DNAH8: variants seen among roughly 807,000 people sequenced by gnomAD.
The protein encoded by DNAH8 is dynein axonemal heavy chain 8, also known as axonemal beta dynein heavy chain 8.
In DNAH8, 382 loss-of-function variants were observed where a neutral mutation model predicts 562.1. That is an observed-to-expected ratio of 0.68 (90% CI 0.63 to 0.74). The LOEUF is 0.74. DNAH8 is among the 30% of genes least tolerant of loss of function. The pLI, the probability that DNAH8 is intolerant of heterozygous loss-of-function variation, is 0.00. For missense variants in DNAH8, 5,203 were observed against 5,620.4 expected, an observed-to-expected ratio of 0.93 and a Z score of 2.37; for synonymous variants, 1,881 against 1,919.4, an observed-to-expected ratio of 0.98 and a Z score of 0.52.
chr6:38,819,002 AAC>A (rs1772573442), intron 26 of DNAH8, among the ~76,000 whole-genome samples: 1 of 152,188 alleles, frequency 6.6e-6, no homozygotes, highest in African/African-American at 2.4e-5. Flanking sequence ...TCGGCTCACA[AAC>A]ACAGTGCTGC....
intron 24 of DNAH8, among the ~76,000 whole-genome samples, chr6:38,811,117 T>C (rs936741128): frequency 2.6e-5 from 4 of 152,344 alleles, no homozygotes; most frequent in African/African-American, 9.6e-5. Flanking sequence ...GAGTGCACTT[T>C]CTATTTGAGG....
intron 65 of DNAH8, 66 bp downstream of exon 65, chr6:38,909,810 T>C (rs549993223): frequency 1.2e-5 from 15 of 1,247,662 alleles, no homozygotes; most frequent in Non-Finnish European, 1.6e-5. Context: ...AGGAATGCAT[T>C]GTAACATCCA....
chr6:38,868,191 A>G lies in DNAH8; in HGVS notation c.6823A>G (p.Lys2275Glu). The G allele has an allele frequency of 6.2e-7, 1 of 1,603,808 alleles. No individual in the cohort carries two copies. The highest frequency in any genetic ancestry group is 8.5e-7 in the Non-Finnish European group (1 of 1,177,382). Residue 2275 changes from lysine to glutamate, a missense_variant, in exon 48 of 93, where the codon AAA becomes GAA. Physicochemically the swap from Lys to Glu is moderately conservative, Grantham distance 56. Around this residue, in one of 6 missense-constraint regions of DNAH8, gnomAD observed 2,176 missense variants for 2,365.1 expected, o/e 0.92. Transcript: ENST00000327475. ...AGGACTAAGAGATATGAACCTTTCC[A>G]AACTGGTATCTTCTCTGAATTCTCT... is the stretch of plus-strand genomic sequence containing the variant. The part of the protein sequence containing the change: ...MRGLRDMNLS[K>E]LVDEDEPLFL...
At chr6:39,019,421 A>G (rs917189918) in intron 91 of DNAH8, among the ~76,000 whole-genome samples, 1 of 152,120 alleles carries the variant, frequency 6.6e-6, no homozygotes, top group Non-Finnish European at 1.5e-5. Flanking sequence ...GTTGGTGGAG[A>G]GATTTTTAAA....
At chr6:38,767,301 G>A (rs1460238412) in intron 11 of DNAH8, among the ~76,000 whole-genome samples, 1 of 152,140 alleles carries the variant, frequency 6.6e-6, no homozygotes, top group Non-Finnish European at 1.5e-5. Flanking sequence ...GCTGGGTGTG[G>A]TGGCAGGCTC....
chr6:38,908,392 T>C (rs1459048286), intron 64 of DNAH8, among the ~76,000 whole-genome samples: 1 of 152,214 alleles, frequency 6.6e-6, no homozygotes, highest in Non-Finnish European at 1.5e-5. Context: ...GACTTGGTGA[T>C]GTAACCTCGT....
At chr6:38,947,449 A>G (rs1761523598) in intron 80 of DNAH8, among the ~76,000 whole-genome samples, 1 of 152,238 alleles carries the variant, frequency 6.6e-6, no homozygotes, top group Non-Finnish European at 1.5e-5. Flanking sequence ...GGACATCCAG[A>G]GGCTGGAAGT....
chr6:38,930,432 T>G lies in DNAH8; in HGVS notation c.11274+766T>G, dbSNP rs140908822. ...TTTTCTCATTAAATAAAGACAGATT[T>G]ATTCAGAAAAATTTTCTTCATAATG... On this transcript the variant is annotated intron_variant, in intron 75 of 92. Coordinates refer to ENST00000327475, the MANE Select transcript of DNAH8 (RefSeq NM_001206927.2). Among the ~76,000 whole-genome samples the G allele has an allele frequency of 1.8e-3, 271 of 147,844 alleles. 1 individual carries two copies. Among genetic ancestry groups the G allele is most frequent in the Non-Finnish European group, 3.2e-3 (209 of 65,824 alleles).
intron 21 of DNAH8, among the ~76,000 whole-genome samples, chr6:38,793,138 C>T (rs1028406213): frequency 1.3e-5 from 2 of 152,070 alleles, no homozygotes; most frequent in Admixed American, 1.3e-4. Context: ...CAACACTAAA[C>T]AACCCATTAC....
In DNAH8 at chr6:38,768,793, C is replaced by T. The variant is rs188038498; in HGVS notation, c.1618-1620C>T. On this transcript the variant is annotated intron_variant, in intron 11 of 92. Coordinates refer to ENST00000327475, the MANE Select transcript of DNAH8 (RefSeq NM_001206927.2). ...TTTTCCTAATCATTCTTGCTCCCCT[C>T]ATACCCAGATTCAAAACAACTTATC... Among the ~76,000 whole-genome samples the T allele has an allele frequency of 1.2e-3, 190 of 152,280 alleles. 2 individuals are homozygous for T. The highest frequency in any genetic ancestry group is 4.2e-3 in the African/African-American group (175 of 41,588).
chr6:38,934,907 T>G (rs1782829557), intron 76 of DNAH8, among the ~76,000 whole-genome samples: 1 of 152,232 alleles, frequency 6.6e-6, no homozygotes, highest in African/African-American at 2.4e-5. Context: ...TGTGATTTGG[T>G]GAATCTAAGT....
intron 68 of DNAH8, 141 bp from the exon 69 acceptor site, chr6:38,917,098 A>G (rs972303528): frequency 9.1e-6 from 5 of 552,090 alleles, no homozygotes; most frequent in Non-Finnish European, 1.2e-5. Flanking sequence ...ACAATGAAAG[A>G]GCCACTAAGC....
intron 3 of DNAH8, among the ~76,000 whole-genome samples, chr6:38,726,298 A>G (rs1439361074): frequency 6.6e-6 from 1 of 152,144 alleles, no homozygotes; most frequent in Admixed American, 6.5e-5. Flanking sequence ...TAGAACTAAG[A>G]TGTGGGGGGG....
rs569254186 is a variant in DNAH8, at chr6:39,006,367, C to T, written c.13215-2447C>T. Among the ~76,000 whole-genome samples the T allele has an allele frequency of 4.6e-5, 7 of 152,274 alleles. No homozygotes were observed. In the South Asian group the frequency reaches 1.2e-3, roughly 27 times the overall value. ...ATGCTATTCATGTTTATAGTTTCCT[C>T]TTTAATACTTGTATTTTCAGTCTCC... On this transcript the variant is annotated intron_variant, in intron 88 of 92. Transcript: ENST00000327475.
chr6:38,950,723 G>A (rs187963056), intron 81 of DNAH8, among the ~76,000 whole-genome samples: 32 of 152,162 alleles, frequency 2.1e-4, no homozygotes, highest in South Asian at 8.3e-4. Flanking sequence ...ACAAGCATGA[G>A]CCACCGTGCC....
At position 38,974,404 on chromosome 6, in the gene DNAH8, C is replaced by T; in HGVS notation, c.12709C>T (p.Gln4237Ter). The T allele has an allele frequency of 6.2e-7, 1 of 1,613,914 alleles. No homozygotes were observed. The highest frequency in any genetic ancestry group is 8.5e-7 in the Non-Finnish European group (1 of 1,179,848). The change falls in exon 85 of 93, where the codon CAA becomes TAA. Residue 4237 changes from glutamine to a stop codon, truncating the protein, a stop_gained. Coordinates refer to ENST00000327475, the MANE Select transcript of DNAH8 (RefSeq NM_001206927.2). LOFTEE classifies it high-confidence loss of function. ...TCTCAAATTCACTAATGAGCCACCC[C>T]AAGGTGTACGCGCAGGTTTGAAAAG... ...TSLKFTNEPP[Q>*]GVRAGLKRTF...
At chr6:38,918,290 A>G (rs1036271533) in intron 70 of DNAH8, 150 bp downstream of exon 70, 6 of 566,732 alleles carry the variant, frequency 1.1e-5, no homozygotes, top group East Asian at 2.8e-5. Flanking sequence ...GTCCTCTCAA[A>G]GTTTCTCCTT....
chr6:38,870,995 C>A (rs775283647), intron 49 of DNAH8, among the ~76,000 whole-genome samples: 51 of 152,182 alleles, frequency 3.4e-4, no homozygotes, highest in Non-Finnish European at 5.7e-4. Context: ...TACACTAAAA[C>A]CTGAATCTTT....
At chr6:38,880,352 G>A (rs1778378548) in intron 53 of DNAH8, among the ~76,000 whole-genome samples, 1 of 152,080 alleles carries the variant, frequency 6.6e-6, no homozygotes, top group Non-Finnish European at 1.5e-5. Context: ...TGCGCTGAGA[G>A]AAGCTATAGA....
Sources: gnomAD v4.1 joint callset for allele counts (sites outside exome capture counted in the v4.1 genomes callset) on GRCh38, gnomAD v4.1.1 for gene constraint, gnomAD v4.1.1 regional missense constraint, MANE v1.5 for transcripts, NCBI Gene and HGNC (gene_info 2026-07-23, HGNC 2026-07-21) for gene names.